Variants in DNAH7 observed in about 807,000 individuals in gnomAD.
DNAH7 encodes dynein axonemal heavy chain 7, also known as axonemal beta dynein heavy chain 7.
DNAH7 carries 397 observed loss-of-function variants against 444.6 expected under a neutral mutation model. The ratio of observed to expected loss-of-function variants is 0.89; its 90% CI spans 0.82 to 0.97. The LOEUF (loss-of-function observed/expected upper bound fraction) is 0.97. Among genes scored for constraint, DNAH7 ranks in the 50% least tolerant of loss-of-function variants. The pLI, the probability that DNAH7 is intolerant of heterozygous loss-of-function variation, is 0.00. For synonymous variants in DNAH7, 1,636 were observed against 1,624.4 expected (o/e 1.01, Z -0.17); for missense variants, 4,902 against 4,800.8 (o/e 1.02, Z -0.62).
At chr2:195,959,000 G>A (rs990109147) in intron 18 of DNAH7, among the ~76,000 whole-genome samples, 12 of 152,170 alleles carry the variant, frequency 7.9e-5, no homozygotes, top group African/African-American at 2.9e-4. Flanking sequence ...GGCGGAGGTT[G>A]CAGTGAGCTG....
At position 195,756,209 on chromosome 2, in the gene DNAH7, A is replaced by G; in HGVS notation, c.11510T>C (p.Met3837Thr). 1 of 1,613,756 alleles carries G rather than the reference A, an allele frequency of 6.2e-7. No homozygotes were observed. Among genetic ancestry groups the G allele is most frequent in the Non-Finnish European group, 8.5e-7 (1 of 1,179,718 alleles). ...TTTAAGGCTTGGGTAGGATTTACCC[A>G]TCCACATTTCTGGAATTTTGACATT... ...ILNVKIPEMW[M>T]GKSYPSLKPL... is the part of the protein sequence containing the mutation. Residue 3837 changes from methionine (M) to threonine (T), a missense_variant, in exon 62 of 65, where the codon ATG (methionine) becomes ACG (threonine). Coordinates refer to ENST00000312428, the MANE Select transcript of DNAH7 (RefSeq NM_018897.3).
intron 32 of DNAH7, 104 bp from the exon 33 acceptor site, chr2:195,888,538 G>A: frequency 1.7e-6 from 2 of 1,196,968 alleles, no homozygotes; most frequent in Non-Finnish European, 2.3e-6. Context: ...CTTGGGCGGG[G>A]GGAAGCTTAA....
chr2:196,007,253 G>C (rs1222809718), intron 10 of DNAH7, among the ~76,000 whole-genome samples: 1 of 152,092 alleles, frequency 6.6e-6, no homozygotes, highest in African/African-American at 2.4e-5. Flanking sequence ...AAACAGAATA[G>C]AGAGCCCAGA....
At chr2:196,042,120 G>A (rs1402700202) in intron 5 of DNAH7, among the ~76,000 whole-genome samples, 1 of 152,014 alleles carries the variant, frequency 6.6e-6, no homozygotes, top group Non-Finnish European at 1.5e-5. Flanking sequence ...TGGTGGGAAT[G>A]TAAATTAGTA....
intron 46 of DNAH7, among the ~76,000 whole-genome samples, chr2:195,846,549 C>T (rs1699011932): frequency 6.6e-6 from 1 of 152,192 alleles, no homozygotes; most frequent in Non-Finnish European, 1.5e-5. Flanking sequence ...AAGACACATG[C>T]ATACTGTGAT....
chr2:195,817,847 T>C lies in DNAH7; in HGVS notation c.9292-18A>G, dbSNP rs1226812273. 3 of 1,522,674 alleles carry C rather than the reference T, an allele frequency of 2.0e-6. No homozygotes were observed. The highest frequency in any genetic ancestry group is 2.3e-5 in the East Asian group (1 of 42,696). The allele number at this position is 1,522,674 out of a possible 1,614,324, so 94.3% of individuals were successfully genotyped here. ...AATGTTACCTATAAATGAAAAAATA[T>C]ACAAAAATTACATCATTATTTCTGT... On this transcript the variant is annotated intron_variant, in intron 49 of 64. Transcript: ENST00000312428.
rs1698549418 is a variant in DNAH7 at position 195,839,310 on chromosome 2, AATTCTTT to A, written c.8946-4957_8946-4951del. ...GAGGAAATTTCAAAAAAAATTAGAA[AATTCTTT>A]AAAGGAAATTAAAATTAAAATAAAA... On this transcript the variant is annotated intron_variant, in intron 47 of 64. Transcript: ENST00000312428. Among the ~76,000 whole-genome samples the A allele has an allele frequency of 2.0e-5, 3 of 151,946 alleles. 1 individual carries two copies. The South Asian group carries it at 6.2e-4, about 31-fold the overall frequency.
chr2:195,784,044 T>G lies in DNAH7; in HGVS notation c.10878+2966A>C, dbSNP rs151095328. On this transcript the variant is annotated intron_variant, in intron 58 of 64. Transcript: ENST00000312428. Reference sequence around the variant, plus strand: ...CAGCCTCCCCCAGTATCAACATCCATGACCAAAGTGGCACACGTCTTACAA... The same window carrying G: ...CAGCCTCCCCCAGTATCAACATCCAGGACCAAAGTGGCACACGTCTTACAA... 2.4e-3 allele frequency among the ~76,000 whole-genome samples: 363 copies of G among 152,220 alleles called. 3 individuals carry two copies. Among genetic ancestry groups the G allele is most frequent in the African/African-American group, 8.5e-3 (352 of 41,540 alleles).
intron 25 of DNAH7, among the ~76,000 whole-genome samples, chr2:195,909,580 T>A (rs1441819302): frequency 1.3e-5 from 2 of 152,130 alleles, no homozygotes; most frequent in African/African-American, 4.8e-5. Flanking sequence ...AATAAATTTT[T>A]AAAAATAAAA....
Position 195,884,696 on chromosome 2 carries a change from T to A in DNAH7, c.5652A>T (p.Arg1884=), listed in dbSNP as rs1307015456. ...RELMESPISD[R]TRNTFKLQSG... is the part of the protein sequence containing the mutation. ...TCTGTAATTTAAACGTATTTCGAGT[T>A]CGATCTGAAATTGGACTTTCCATTA... Residue 1884 remains arginine, a synonymous_variant, in exon 35 of 65, where the codon CGA becomes CGT. Transcript: ENST00000312428. 2.5e-6 allele frequency: 4 copies of A among 1,614,176 alleles called. No homozygotes were observed. The Admixed American group carries it at 5.0e-5, about 20-fold the overall frequency.
intron 12 of DNAH7, among the ~76,000 whole-genome samples, chr2:195,992,301 A>C (rs1693393284): frequency 6.6e-6 from 1 of 152,214 alleles, no homozygotes; most frequent in Non-Finnish European, 1.5e-5. Flanking sequence ...TTTTGTACTA[A>C]GTCTAGTGTG....
At position 195,876,738 on chromosome 2, in the gene DNAH7, T is replaced by C. The variant is rs368022986; in HGVS notation, c.5962-39A>G. ...TAATAAAATGAGCCATAGTTGGAAT[T>C]ATGTTTTGACATTTCAGAATAAACA... On this transcript the variant is annotated intron_variant, in intron 36 of 64. Coordinates refer to ENST00000312428, the MANE Select transcript of DNAH7 (RefSeq NM_018897.3). The C allele has an allele frequency of 4.8e-4, 673 of 1,412,616 alleles. 1 individual carries two copies. Among genetic ancestry groups the C allele is most frequent in the South Asian group, 3.5e-3 (282 of 80,784 alleles). The allele number at this position is 1,412,616 out of a possible 1,614,324, so 87.5% of individuals were successfully genotyped here.
chr2:195,955,306 G>C (rs906550834), intron 19 of DNAH7, among the ~76,000 whole-genome samples: 1 of 152,020 alleles, frequency 6.6e-6, no homozygotes, highest in African/African-American at 2.4e-5. Context: ...TCTTGTTTTT[G>C]TCAGGTTTGT....
chr2:195,993,209 G>A (rs555184822), intron 12 of DNAH7, among the ~76,000 whole-genome samples: 2 of 152,306 alleles, frequency 1.3e-5, no homozygotes, highest in African/African-American at 4.8e-5. Context: ...GCAAGCCCCA[G>A]GACTGACTTG....
chr2:195,934,671 T>TCCC lies in DNAH7; in HGVS notation c.3390_3391insGGG (p.Ile1130_Ile1131insGly). The TCCC allele has an allele frequency of 6.2e-7, 1 of 1,614,118 alleles. No individual in the cohort carries two copies. The highest frequency in any genetic ancestry group is 8.5e-7 in the Non-Finnish European group (1 of 1,179,986). On this transcript the variant is annotated inframe_insertion, in exon 21 of 65. Coordinates refer to ENST00000312428, the MANE Select transcript of DNAH7 (RefSeq NM_018897.3). ...TGACCTCTGGCTTTGGCTGTTGAAATAATCTCTATGAGTTCTACAACCTCT... is the reference window on the plus strand; with the variant it reads ...TGACCTCTGGCTTTGGCTGTTGAAATCCCAATCTCTATGAGTTCTACAACCTCT...
intron 1 of DNAH7, among the ~76,000 whole-genome samples, chr2:196,065,263 T>C (rs1451793971): frequency 6.6e-6 from 1 of 152,242 alleles, no homozygotes; most frequent in East Asian, 1.9e-4. Context: ...TCTTTACTTA[T>C]TCAGATTCTG....
At chr2:196,044,591 AAAT>A (rs1176057853) in intron 5 of DNAH7, among the ~76,000 whole-genome samples, 1 of 152,152 alleles carries the variant, frequency 6.6e-6, no homozygotes, top group African/African-American at 2.4e-5. Context: ...AAAACTACTG[AAAT>A]AATAATTTTA....
At chr2:195,926,157 A>G (rs1455128797) in intron 22 of DNAH7, among the ~76,000 whole-genome samples, 2 of 152,160 alleles carry the variant, frequency 1.3e-5, no homozygotes, top group South Asian at 4.1e-4. Context: ...TAAAATGTAT[A>G]TAATAACAAG....
chr2:195,971,524 G>A (rs1330456726), intron 16 of DNAH7, among the ~76,000 whole-genome samples: 2 of 152,202 alleles, frequency 1.3e-5, no homozygotes, highest in East Asian at 1.9e-4. Context: ...AAGTAGCACT[G>A]AGGTCTGCTG....
Sources: allele counts gnomAD v4.1 joint callset (sites outside exome capture counted in the v4.1 genomes callset), GRCh38; gene constraint gnomAD v4.1.1; transcripts MANE v1.5; gene names NCBI Gene and HGNC (gene_info 2026-07-23, HGNC 2026-07-21).